Variants in DHRSX observed in about 807,000 individuals in gnomAD.
DHRSX encodes the protein polyprenol dehydrogenase.
Under a neutral mutation model 34.0 loss-of-function variants are expected in DHRSX, and 31 were observed. That is an observed-to-expected ratio of 0.91 (90% CI 0.69 to 1.23). DHRSX has a LOEUF of 1.23. Ranked by LOEUF, DHRSX falls within the 50% of genes most tolerant of loss-of-function variation. The pLI is 0.00. For synonymous variants in DHRSX, 201 were observed against 183.8 expected, an observed-to-expected ratio of 1.09 and a Z score of -0.76; for missense variants, 414 against 428.1, an observed-to-expected ratio of 0.97 and a Z score of 0.29.
At position 2,495,813 on chromosome X, in the gene DHRSX, A is replaced by T. The variant is rs769175447; in HGVS notation, c.109+5004T>A. On this transcript the variant is annotated intron_variant, in intron 1 of 6. Coordinates refer to ENST00000334651, the MANE Select transcript of DHRSX (RefSeq NM_145177.3). Reference sequence around the variant, plus strand: ...GGGGGACACTCCCCAAAACGCTCTCAGGGGGCCGGCGATTTCACGTTTCCA... The same window carrying T: ...GGGGGACACTCCCCAAAACGCTCTCTGGGGGCCGGCGATTTCACGTTTCCA... Among the ~76,000 whole-genome samples the T allele has an allele frequency of 2.7e-4, 41 of 152,166 alleles. 1 individual carries two copies. The South Asian group carries it at 8.1e-3, about 30-fold the overall frequency.
At chrX:2,360,366 C>T (rs2042914895) in intron 3 of DHRSX, among the ~76,000 whole-genome samples, 3 of 152,130 alleles carry the variant, frequency 2.0e-5, no homozygotes, top group South Asian at 2.1e-4. Flanking sequence ...GGGCGGATCA[C>T]GAGGGCAGGA....
In DHRSX at chrX:2,425,832, G is replaced by C. The variant is rs2043839193; in HGVS notation, c.110-528C>G. ...TCAGGACCACACAGGGGCGCACCAAGTTTGGTCAGGTGGGAAGACAAAGGA... is the reference window on the plus strand; with the variant it reads ...TCAGGACCACACAGGGGCGCACCAACTTTGGTCAGGTGGGAAGACAAAGGA... On this transcript the variant is annotated intron_variant, in intron 1 of 6. Coordinates refer to ENST00000334651, the MANE Select transcript of DHRSX (RefSeq NM_145177.3). Among the ~76,000 whole-genome samples, 9 of 152,304 alleles carry C rather than the reference G, an allele frequency of 5.9e-5. No homozygotes were observed. The South Asian group carries it at 1.9e-3, about 32-fold the overall frequency.
chrX:2,421,144 C>T (rs768536271), intron 2 of DHRSX, among the ~76,000 whole-genome samples: 151 of 152,142 alleles, frequency 9.9e-4, no homozygotes, highest in African/African-American at 3.5e-3. Flanking sequence ...TTTGGGAAGC[C>T]GAGGCAGGCA....
intron 5 of DHRSX, among the ~76,000 whole-genome samples, chrX:2,259,392 A>G (rs1230765020): frequency 1.6e-5 from 1 of 62,806 alleles, no homozygotes; most frequent in Admixed American, 1.5e-4. Context: ...ATATAGATAT[A>G]TAGATATATA....
At chrX:2,329,808 GA>G (rs1356865803) in intron 3 of DHRSX, among the ~76,000 whole-genome samples, 1 of 151,908 alleles carries the variant, frequency 6.6e-6, no homozygotes, top group Admixed American at 6.6e-5. Flanking sequence ...TACAACCCAC[GA>G]AGCAAATGCC....
At chrX:2,360,129 T>C (rs2042910163) in intron 3 of DHRSX, among the ~76,000 whole-genome samples, 1 of 151,928 alleles carries the variant, frequency 6.6e-6, no homozygotes, top group African/African-American at 2.4e-5. Context: ...AAGGTTGGGG[T>C]GATGAGGCAT....
chrX:2,301,998 G>A (rs982025734), intron 3 of DHRSX, among the ~76,000 whole-genome samples: 4 of 152,116 alleles, frequency 2.6e-5, no homozygotes, highest in African/African-American at 9.7e-5. Context: ...CAGAACAGAG[G>A]TGGACATGGC....
At chrX:2,348,895 C>T (rs1296391098) in intron 3 of DHRSX, among the ~76,000 whole-genome samples, 4 of 151,814 alleles carry the variant, frequency 2.6e-5, no homozygotes, top group Middle Eastern at 3.2e-3. Flanking sequence ...CATTTCACCA[C>T]GTTGGCCAAG....
chrX:2,306,873 C>A (rs2042103345), intron 3 of DHRSX, among the ~76,000 whole-genome samples: 1 of 150,640 alleles, frequency 6.6e-6, no homozygotes, highest in African/African-American at 2.4e-5. Flanking sequence ...TTGGAACCAG[C>A]TCTTCTTTGT....
chrX:2,467,089 A>G (rs2044508725), intron 1 of DHRSX, among the ~76,000 whole-genome samples: 1 of 151,518 alleles, frequency 6.6e-6, no homozygotes, highest in Admixed American at 6.6e-5. Context: ...AAAACGCTAC[A>G]TGACTACATG....
chrX:2,478,541 A>AGT (rs988288774), intron 1 of DHRSX, among the ~76,000 whole-genome samples: 3 of 81,172 alleles, frequency 3.7e-5, no homozygotes, highest in African/African-American at 2.0e-4. Flanking sequence ...AGGGACCACC[A>AGT]GTGTGTACAC....
At chrX:2,452,918 C>T (rs2044245252) in intron 1 of DHRSX, among the ~76,000 whole-genome samples, 2 of 152,204 alleles carry the variant, frequency 1.3e-5, no homozygotes. Flanking sequence ...AATGGGATAC[C>T]TGCCCCACTG....
intron 1 of DHRSX, among the ~76,000 whole-genome samples, chrX:2,466,663 A>G (rs1050896136): frequency 6.6e-6 from 1 of 152,100 alleles, no homozygotes; most frequent in African/African-American, 2.4e-5. Context: ...AGAGGATCGA[A>G]AAACTACCTA....
At chrX:2,496,077 T>C (rs2045276800) in intron 1 of DHRSX, among the ~76,000 whole-genome samples, 1 of 152,242 alleles carries the variant, frequency 6.6e-6, no homozygotes, top group Non-Finnish European at 1.5e-5. Context: ...GGGTACCAAG[T>C]TTCTGTTCGA....
chrX:2,260,770 T>A (rs1188419990), intron 5 of DHRSX, among the ~76,000 whole-genome samples: 4 of 152,126 alleles, frequency 2.6e-5, no homozygotes, highest in African/African-American at 4.8e-5. Flanking sequence ...TATTTTCTAC[T>A]TCTTGTAAGG....
At chrX:2,268,410 TA>T (rs2041503620) in intron 4 of DHRSX, among the ~76,000 whole-genome samples, 1 of 152,262 alleles carries the variant, frequency 6.6e-6, no homozygotes, top group South Asian at 2.1e-4. Context: ...TATCTACACG[TA>T]ACGCAAATAC....
Position 2,238,861 on chromosome X carries a change from A to G in DHRSX, c.804+4162T>C, listed in dbSNP as rs569883285. Among the ~76,000 whole-genome samples the G allele has an allele frequency of 4.1e-4, 63 of 152,122 alleles. No individual in the cohort carries two copies. The South Asian group carries it at 0.012, about 30-fold the overall frequency. Reference sequence around the variant, plus strand: ...TGGCCTCCCAAAGTGCTGGGATTACAGGCATGAGACACGGCACCCAGCTGA... The same window carrying G: ...TGGCCTCCCAAAGTGCTGGGATTACGGGCATGAGACACGGCACCCAGCTGA... On this transcript the variant is annotated intron_variant, in intron 6 of 6. Transcript: ENST00000334651.
At chrX:2,424,994 T>C (rs2043823992) in intron 2 of DHRSX, among the ~76,000 whole-genome samples, 1 of 151,822 alleles carries the variant, frequency 6.6e-6, no homozygotes, top group Non-Finnish European at 1.5e-5. Context: ...ACAAAAATTA[T>C]CCAGGCGTGG....
At chrX:2,464,614 C>T (rs1466936790) in intron 1 of DHRSX, among the ~76,000 whole-genome samples, 1 of 151,328 alleles carries the variant, frequency 6.6e-6, no homozygotes, top group Admixed American at 6.6e-5. Flanking sequence ...GCCGTGTGCA[C>T]ACTGAAGATG....
Sources: gnomAD v4.1 joint callset for allele counts (sites outside exome capture counted in the v4.1 genomes callset) on GRCh38, gnomAD v4.1.1 for gene constraint, MANE v1.5 for transcripts, NCBI Gene and HGNC (gene_info 2026-07-23, HGNC 2026-07-21) for gene names.